EPHB3: variants seen among roughly 807,000 people sequenced by gnomAD.
EPHB3 encodes ephrin type-B receptor 3.
In EPHB3, 33 loss-of-function variants were observed where a neutral mutation model predicts 100.2. That is an observed-to-expected ratio of 0.33 (90% CI 0.25 to 0.44). The LOEUF is 0.44. Among genes scored for constraint, EPHB3 ranks in the 20% least tolerant of loss-of-function variants. The probability of loss-of-function intolerance (pLI) is 1.00; values close to 1 mark genes in which losing one functional copy is unlikely to be tolerated. For missense variants in EPHB3, 1,045 were observed against 1,378.3 expected (o/e 0.76, Z 3.83); for synonymous variants, 526 against 554.7 (o/e 0.95, Z 0.73).
Position 184,580,479 on chromosome 3 carries a change from C to T in EPHB3, c.2250C>T (p.Ser750=), listed in dbSNP as rs140530873. The T allele has an allele frequency of 2.4e-5, 38 of 1,614,056 alleles. No individual in the cohort carries two copies. The East Asian group carries it at 3.6e-4, about 15-fold the overall frequency. The change falls in exon 12 of 16, where the codon TCC becomes TCT. Residue 750 remains serine, a synonymous_variant. Coordinates refer to ENST00000330394, the MANE Select transcript of EPHB3 (RefSeq NM_004443.4). ...TTGCTGCCGGCATGAAGTACCTGTCCGAGATGAACTATGTGCACCGCGACC... is the reference window on the plus strand; with the variant it reads ...TTGCTGCCGGCATGAAGTACCTGTCTGAGATGAACTATGTGCACCGCGACC... ...RGIAAGMKYL[S]EMNYVHRDLA...
At position 184,578,154 on chromosome 3, in the gene EPHB3, C is replaced by T; in HGVS notation, c.1748+148C>T. ...GGGGCCAGCCGTTGCTGGAGAAGCC[C>T]TCTCCCATCCCTGCCTGTGTCTTCA... is the stretch of plus-strand genomic sequence containing the variant. On this transcript the variant is annotated intron_variant, in intron 8 of 15. Transcript: ENST00000330394. This position sits in a 1 kb window ranked among gnomAD's most constrained non-coding sequence, Gnocchi z 4.7. 1.1e-6 allele frequency: 1 copy of T among 922,056 alleles called. No individual in the cohort carries two copies. Among genetic ancestry groups the T allele is most frequent in the Non-Finnish European group, 1.6e-6 (1 of 624,532 alleles). The allele number at this position is 922,056 out of a possible 1,614,324, so 57.1% of individuals were successfully genotyped here.
At chr3:184,580,306 G>C (rs1310548588) in intron 11 of EPHB3, 96 bp from the exon 12 acceptor site, 2 of 1,489,302 alleles carry the variant, frequency 1.3e-6, no homozygotes, top group African/African-American at 2.8e-5. Context: ...CAGGAGAGAC[G>C]AGGTAGAGTC....
intron 1 of EPHB3, among the ~76,000 whole-genome samples, chr3:184,568,151 A>T (rs892262819): frequency 4.6e-5 from 7 of 152,140 alleles, no homozygotes; most frequent in Non-Finnish European, 7.4e-5. Flanking sequence ...TGAGGGCCAC[A>T]CAGCTGCTGC....
Position 184,576,852 on chromosome 3 carries a change from T to G in EPHB3, c.1023T>G (p.Ser341=), listed in dbSNP as rs766853413. Reference sequence around the variant, plus strand: ...CCATATTCCTCACAGCCGTGCCATCTCCACCCCGAGGTGTGATCTCCAATG... The same window carrying G: ...CCATATTCCTCACAGCCGTGCCATCGCCACCCCGAGGTGTGATCTCCAATG... ...SADSACTTVP[S]PPRGVISNVN... Residue 341 remains serine, a synonymous_variant, in exon 5 of 16, where the codon TCT becomes TCG. Transcript: ENST00000330394. The G allele has an allele frequency of 5.8e-6, 9 of 1,543,696 alleles. No homozygotes were observed. The highest frequency in any genetic ancestry group is 1.8e-4 in the Middle Eastern group (1 of 5,708).
At chr3:184,570,744 G>A (rs1714517872) in intron 1 of EPHB3, among the ~76,000 whole-genome samples, 1 of 152,188 alleles carries the variant, frequency 6.6e-6, no homozygotes, top group Non-Finnish European at 1.5e-5. Flanking sequence ...GAGCCTGTAG[G>A]TGTGTGGACC....
intron 1 of EPHB3, among the ~76,000 whole-genome samples, chr3:184,567,021 GT>G (rs1714401327): frequency 6.6e-6 from 1 of 152,098 alleles, no homozygotes; most frequent in African/African-American, 2.4e-5. Context: ...CCTGCTCAAG[GT>G]CCTCGACCTG....
Position 184,579,559 on chromosome 3 carries a change from C to T in EPHB3, c.1884C>T (p.Ile628=), listed in dbSNP as rs1275403157. The T allele has an allele frequency of 5.0e-6, 8 of 1,613,860 alleles. No homozygotes were observed. The highest frequency in any genetic ancestry group is 5.9e-6 in the Non-Finnish European group (7 of 1,180,000). Reference sequence around the variant, plus strand: ...CTGTTCGGGAGTTTGCCAAGGAGATCGACGTGTCCTGCGTCAAGATCGAGG... The same window carrying T: ...CTGTTCGGGAGTTTGCCAAGGAGATTGACGTGTCCTGCGTCAAGATCGAGG... ...NEAVREFAKE[I]DVSCVKIEEV... is the part of the protein sequence containing the mutation. Residue 628 remains isoleucine (I), a synonymous_variant, in exon 10 of 16, where the codon ATC becomes ATT. Transcript: ENST00000330394. The surrounding 1 kb of genome is among the most constrained non-coding windows in gnomAD (Gnocchi z 5.2).
intron 1 of EPHB3, among the ~76,000 whole-genome samples, chr3:184,568,265 C>A (rs1560054571): frequency 1.3e-5 from 2 of 152,182 alleles, no homozygotes; most frequent in African/African-American, 2.4e-5. Flanking sequence ...CTGGTGACTA[C>A]CTCCCTGGTG....
At position 184,562,379 on chromosome 3, in the gene EPHB3, G is replaced by C. The variant is rs1714279047; in HGVS notation, c.118+26G>C. The C allele has an allele frequency of 1.6e-6, 2 of 1,212,816 alleles. No homozygotes were observed. Among genetic ancestry groups the C allele is most frequent in the East Asian group, 3.5e-5 (1 of 28,978 alleles). 75.1% of individuals were successfully genotyped at this position (1,212,816 alleles called of 1,614,324 possible). A position where few individuals can be genotyped will look rare whatever the true frequency, so the allele number is the denominator to read the frequency against. On this transcript the variant is annotated intron_variant, in intron 1 of 15. Coordinates refer to ENST00000330394, the MANE Select transcript of EPHB3 (RefSeq NM_004443.4). This position sits in a 1 kb window ranked among gnomAD's most constrained non-coding sequence, Gnocchi z 4.8. ...GTGAGCGGCGTCGGGGGGCGCGCCCGGGAACAAGGTGCCTGGGGTCGCGGG... is the reference window on the plus strand; with the variant it reads ...GTGAGCGGCGTCGGGGGGCGCGCCCCGGAACAAGGTGCCTGGGGTCGCGGG...
chr3:184,573,887 T>C lies in EPHB3; in HGVS notation c.856+711T>C, dbSNP rs1714604236. ...CATGTGCCACCACACCCAGCTAATT[T>C]TGTATTTTTAGTAGACCGGGTTTCA... On this transcript the variant is annotated intron_variant, in intron 3 of 15. Transcript: ENST00000330394. This position sits in a 1 kb window ranked among gnomAD's most constrained non-coding sequence, Gnocchi z 4.5. Among the ~76,000 whole-genome samples, 1 of 152,164 alleles carries C rather than the reference T, an allele frequency of 6.6e-6. No homozygotes were observed. Among genetic ancestry groups the C allele is most frequent in the South Asian group, 2.1e-4 (1 of 4,808 alleles).
Position 184,581,541 on chromosome 3 carries a change from G to C in EPHB3, c.2916G>C (p.Leu972=). ...ACCTGCTCCGTATTGGGGTCACCCT[G>C]GCCGGCCACCAGAAGAAGATCCTGA... is the stretch of plus-strand genomic sequence containing the variant. ...AEDLLRIGVT[L]AGHQKKILSS... Residue 972 remains leucine, a synonymous_variant, in exon 16 of 16, where the codon CTG becomes CTC. Coordinates refer to ENST00000330394, the MANE Select transcript of EPHB3 (RefSeq NM_004443.4). 1.2e-6 allele frequency: 2 copies of C among 1,613,930 alleles called. No individual in the cohort carries two copies. Among genetic ancestry groups the C allele is most frequent in the Non-Finnish European group, 1.7e-6 (2 of 1,179,942 alleles).
At position 184,581,160 on chromosome 3, in the gene EPHB3, G is replaced by A. The variant is rs750744020; in HGVS notation, c.2727G>A (p.Gln909=). 2.5e-6 allele frequency: 4 copies of A among 1,613,964 alleles called. No homozygotes were observed. The Admixed American group carries it at 6.7e-5, about 27-fold the overall frequency. The change falls in exon 14 of 16, where the codon CAG becomes CAA. Residue 909 remains glutamine, a synonymous_variant. Transcript: ENST00000330394. ...AASLKVIASA[Q]SGMSQPLLDR... is the part of the protein sequence containing the mutation. Reference sequence around the variant, plus strand: ...GCCTCAAGGTCATTGCCAGCGCTCAGTCTGGGTTAGTACCTCTGCCTCTGC... The same window carrying A: ...GCCTCAAGGTCATTGCCAGCGCTCAATCTGGGTTAGTACCTCTGCCTCTGC...
chr3:184,581,196 C>T (rs1455289424), intron 14 of EPHB3, 31 bp downstream of exon 14: 1 of 1,609,846 alleles, frequency 6.2e-7, no homozygotes. Context: ...TCCCGCCAAG[C>T]CAGTAGCCCT....
Position 184,579,818 on chromosome 3 carries a change from A to G in EPHB3, c.2056A>G (p.Met686Val), listed in dbSNP as rs1212644824. 1.9e-6 allele frequency: 3 copies of G among 1,613,202 alleles called. No homozygotes were observed. Among genetic ancestry groups the G allele is most frequent in the Non-Finnish European group, 1.7e-6 (2 of 1,179,918 alleles). ...RRDFLSEASIMGQFDHPNIIR... is the reference protein window; with the variant it reads ...RRDFLSEASIVGQFDHPNIIR... ...GGACTTCCTAAGCGAGGCCTCCATC[A>G]TGGGTCAGTTTGATCACCCCAATAT... Residue 686 changes from methionine to valine, a missense_variant, in exon 11 of 16, where the codon ATG becomes GTG. Transcript: ENST00000330394. This position sits in a 1 kb window ranked among gnomAD's most constrained non-coding sequence, Gnocchi z 5.2.
In EPHB3 at chr3:184,573,159, A is replaced by G; in HGVS notation, c.839A>G (p.Lys280Arg). 2 of 1,612,340 alleles carry G rather than the reference A, an allele frequency of 1.2e-6. No individual in the cohort carries two copies. Among genetic ancestry groups the G allele is most frequent in the South Asian group, 1.1e-5 (1 of 91,080 alleles). Reference sequence around the variant, plus strand: ...GCCACCGGCCATGAGCCAGCTGCCAAGGAGTCCCAGTGCCGCCGTGAGTGG... The same window carrying G: ...GCCACCGGCCATGAGCCAGCTGCCAGGGAGTCCCAGTGCCGCCGTGAGTGG... Reference protein sequence around the residue: ...TCATGHEPAAKESQCRPCPPG... With the variant: ...TCATGHEPAARESQCRPCPPG... The change falls in exon 3 of 16, where the codon AAG (lysine) becomes AGG (arginine). Residue 280 changes from lysine (K) to arginine (R), a missense_variant. Lys to Arg is a conservative substitution (Grantham distance 26, BLOSUM62 2). Coordinates refer to ENST00000330394, the MANE Select transcript of EPHB3 (RefSeq NM_004443.4). The surrounding 1 kb of genome is among the most constrained non-coding windows in gnomAD (Gnocchi z 4.5).
intron 1 of EPHB3, among the ~76,000 whole-genome samples, chr3:184,570,799 C>T (rs1380562023): frequency 6.6e-6 from 1 of 152,192 alleles, no homozygotes; most frequent in African/African-American, 2.4e-5. Flanking sequence ...GGTCAGGGCA[C>T]TCACCCCTAG....
chr3:184,570,959 T>TC lies in EPHB3; in HGVS notation c.119-359_119-358insC, dbSNP rs200689721. Among the ~76,000 whole-genome samples the TC allele has an allele frequency of 9.9e-3, 1,433 of 144,394 alleles. 18 individuals are homozygous for TC. The highest frequency in any genetic ancestry group is 0.033 in the African/African-American group (1,311 of 40,108). 94.7% of individuals were successfully genotyped at this position (144,394 alleles called of 152,430 possible). ...CTGAGCCATCTCTTCTTTCTTTCTTTTTTTTTTTTTTTTAGACAGAGTTTC... is the reference window on the plus strand; with the variant it reads ...CTGAGCCATCTCTTCTTTCTTTCTTTCTTTTTTTTTTTTTAGACAGAGTTTC... On this transcript the variant is annotated intron_variant, in intron 1 of 15. Transcript: ENST00000330394.
chr3:184,580,410 T>C lies in EPHB3; in HGVS notation c.2181T>C (p.Asp727=), dbSNP rs372352825. The change falls in exon 12 of 16, where the codon GAT becomes GAC. Residue 727 remains aspartate (D), a synonymous_variant. Coordinates refer to ENST00000330394, the MANE Select transcript of EPHB3 (RefSeq NM_004443.4). ...CTGCTTGTTGCCTGCAGCTCAACGA[T>C]GGGCAGTTCACGGTCATCCAGCTGG... ...CALDSFLRLN[D]GQFTVIQLVG... is the part of the protein sequence containing the mutation. 4 of 1,614,060 alleles carry C rather than the reference T, an allele frequency of 2.5e-6. No homozygotes were observed. Among genetic ancestry groups the C allele is most frequent in the Non-Finnish European group, 2.5e-6 (3 of 1,180,026 alleles).
chr3:184,569,425 C>T lies in EPHB3; in HGVS notation c.119-1893C>T, dbSNP rs1197825728. ...GCCGGCTCCGCACATCCCTCCGGCT[C>T]CGTGCCGCCCACCGCCCGCCAGCTC... On this transcript the variant is annotated intron_variant, in intron 1 of 15. Coordinates refer to ENST00000330394, the MANE Select transcript of EPHB3 (RefSeq NM_004443.4). The surrounding 1 kb of genome is among the most constrained non-coding windows in gnomAD (Gnocchi z 5.4). Among the ~76,000 whole-genome samples, 1 of 151,892 alleles carries T rather than the reference C, an allele frequency of 6.6e-6. No individual in the cohort carries two copies. Among genetic ancestry groups the T allele is most frequent in the African/African-American group, 2.4e-5 (1 of 41,374 alleles).
Sources: allele counts gnomAD v4.1 joint callset (sites outside exome capture counted in the v4.1 genomes callset), GRCh38; gene constraint gnomAD v4.1.1; non-coding constraint Gnocchi (gnomAD v3.1); transcripts MANE v1.5; gene names NCBI Gene and HGNC (gene_info 2026-07-23, HGNC 2026-07-21).